RUFY1: variants seen among roughly 807,000 people sequenced by gnomAD.
The protein encoded by RUFY1 is RUN and FYVE domain containing 1, also known as RUN and FYVE domain-containing protein 1.
A neutral mutation model predicts 94.6 loss-of-function variants in RUFY1; 54 were observed. The observed-to-expected ratio is 0.57, with a 90% CI of 0.46 to 0.72. RUFY1 has a LOEUF of 0.72. Ranked by LOEUF, RUFY1 falls within the 30% of genes least tolerant of loss-of-function variation. RUFY1 has a pLI of 0.00. For synonymous variants in RUFY1, 396 were observed against 347.3 expected, an observed-to-expected ratio of 1.14 and a Z score of -1.56; for missense variants, 883 against 883.9, an observed-to-expected ratio of 1.00 and a Z score of 0.01.
At chr5:179,587,052 G>A (rs1764661079) in intron 8 of RUFY1, among the ~76,000 whole-genome samples, 1 of 152,148 alleles carries the variant, frequency 6.6e-6, no homozygotes, top group African/African-American at 2.4e-5. Flanking sequence ...GCAGAGTTAT[G>A]TGGGGTTTTT....
chr5:179,588,419 C>T (rs1041208902), intron 8 of RUFY1, among the ~76,000 whole-genome samples: 1 of 152,182 alleles, frequency 6.6e-6, no homozygotes, highest in Non-Finnish European at 1.5e-5. Context: ...GTTTACTCAT[C>T]TGCCTTGCCT....
At chr5:179,605,831 T>TGGGG in intron 15 of RUFY1, 45 bp from the exon 16 acceptor site, 1 of 1,234,946 alleles carries the variant, frequency 8.1e-7, no homozygotes, top group Non-Finnish European at 1.2e-6. Flanking sequence ...ATTCAGAGCC[T>TGGGG]CACTCTCTCT....
At chr5:179,570,992 G>A (rs1287221514) in intron 5 of RUFY1, among the ~76,000 whole-genome samples, 1 of 152,128 alleles carries the variant, frequency 6.6e-6, no homozygotes, top group African/African-American at 2.4e-5. Context: ...GTATTTTAGA[G>A]TGAGATGTTC....
chr5:179,559,616 G>A (rs1581421885), intron 1 of RUFY1: 9 of 969,466 alleles, frequency 9.3e-6, no homozygotes, highest in Admixed American at 6.0e-5. Context: ...GAATGTTTGG[G>A]GGCGGGACGC....
intron 2 of RUFY1, among the ~76,000 whole-genome samples, chr5:179,560,593 G>A (rs554619566): frequency 6.6e-6 from 1 of 151,396 alleles, no homozygotes; most frequent in Admixed American, 6.6e-5. Context: ...GGGCGTGGTA[G>A]CGGGCGCCTG....
At chr5:179,598,439 A>G (rs1232752788) in intron 13 of RUFY1, 5 of 513,538 alleles carry the variant, frequency 9.7e-6, no homozygotes, top group Non-Finnish European at 1.7e-5. Context: ...ATGTGGTCTA[A>G]GTGTTCTAGA....
At chr5:179,604,893 AG>A (rs528336001) in intron 15 of RUFY1, among the ~76,000 whole-genome samples, 169 of 151,902 alleles carry the variant, frequency 1.1e-3, no homozygotes, top group African/African-American at 4.0e-3. Flanking sequence ...CTGAGGCAGG[AG>A]AATTGCTTGA....
Position 179,589,531 on chromosome 5 carries a change from A to T in RUFY1, c.1027-15A>T, listed in dbSNP as rs778085372. 4.0e-5 allele frequency: 63 copies of T among 1,579,094 alleles called. No homozygotes were observed. Among genetic ancestry groups the T allele is most frequent in the Non-Finnish European group, 5.1e-5 (59 of 1,148,790 alleles). ...AATTTTGATGTTAAGAACTGTAAAA[A>T]TTTTCCTTAATCAGCTTTCAGCTGC... On this transcript the variant is annotated splice_polypyrimidine_tract_variant and intron_variant, in intron 8 of 17. Transcript: ENST00000319449.
chr5:179,607,554 G>T (rs778123759), intron 16 of RUFY1, 28 bp from the exon 17 acceptor site: 2 of 1,606,498 alleles, frequency 1.2e-6, no homozygotes, highest in African/African-American at 2.7e-5. Flanking sequence ...GACAGAAAGT[G>T]GATTCTAGAA....
At chr5:179,559,800 C>A (rs970325300) in intron 1 of RUFY1, 1 of 1,294,524 alleles carries the variant, frequency 7.7e-7, no homozygotes. Context: ...AGCAGGAGGC[C>A]CAGTGGCTCT....
At chr5:179,596,772 C>A (rs967750174) in intron 13 of RUFY1, 91 bp downstream of exon 13, 10 of 87,004 alleles carry the variant, frequency 1.1e-4, no homozygotes, top group African/African-American at 7.2e-4. Context: ...TCAGCACGAA[C>A]GGGAGGAGGG....
chr5:179,592,037 CTGGGTTCAAGCAGTTCTCTGCCTCA>C (rs893970756), intron 10 of RUFY1, among the ~76,000 whole-genome samples: 1 of 152,212 alleles, frequency 6.6e-6, no homozygotes, highest in Non-Finnish European at 1.5e-5. Flanking sequence ...ACTCTGCCTC[CTGGGTTCAAGCAGTTCTCTGCCTCA>C]GCCTCCCGAG....
intron 7 of RUFY1, among the ~76,000 whole-genome samples, chr5:179,584,828 G>A (rs1010444949): frequency 6.6e-6 from 1 of 152,100 alleles, no homozygotes; most frequent in Non-Finnish European, 1.5e-5. Flanking sequence ...TGGGGAAGGT[G>A]TAAAAGGGAT....
chr5:179,589,603 G>A lies in RUFY1; in HGVS notation c.1084G>A (p.Glu362Lys), dbSNP rs755287617. ...SLQEEQQQLREQNELIRERSE... is the reference protein window; with the variant it reads ...SLQEEQQQLRKQNELIRERSE... ...TCAAGAAGAACAGCAGCAGTTAAGAGAACAAAATGAATTAATTCGAGAAAG... is the reference window on the plus strand; with the variant it reads ...TCAAGAAGAACAGCAGCAGTTAAGAAAACAAAATGAATTAATTCGAGAAAG... Residue 362 changes from glutamate to lysine, a missense_variant, in exon 9 of 18, where the codon GAA becomes AAA. Coordinates refer to ENST00000319449, the MANE Select transcript of RUFY1 (RefSeq NM_025158.5). 3.1e-6 allele frequency: 5 copies of A among 1,614,102 alleles called. No individual in the cohort carries two copies. The highest frequency in any genetic ancestry group is 4.2e-6 in the Non-Finnish European group (5 of 1,179,984).
chr5:179,595,755 G>T (rs1009362569), intron 12 of RUFY1: 1 of 152,120 alleles, frequency 6.6e-6, no homozygotes, highest in Non-Finnish European at 1.5e-5. Flanking sequence ...TCTCCATATT[G>T]ATCAGGCTGG....
Position 179,550,725 on chromosome 5 carries a change from C to A in RUFY1, c.156C>A (p.Ser52Arg). 1.4e-6 allele frequency: 2 copies of A among 1,479,662 alleles called. No homozygotes were observed. Among genetic ancestry groups the A allele is most frequent in the East Asian group, 2.9e-5 (1 of 34,222 alleles). 91.7% of individuals were successfully genotyped at this position (1,479,662 alleles called of 1,614,324 possible). ...SQLPGPGDLR[S>R]ATRPRAAEGW... is the part of the protein sequence containing the mutation. ...TGCCCGGCCCAGGCGACCTGCGGAG[C>A]GCAACGAGGCCGCGGGCGGCCGAGG... Residue 52 changes from serine to arginine, a missense_variant, in exon 1 of 18, where the codon AGC (serine) becomes AGA (arginine). By Grantham distance (110) the Ser-to-Arg change is moderately radical (BLOSUM62 -1). Transcript: ENST00000319449.
chr5:179,575,039 C>G (rs951823870), intron 5 of RUFY1, among the ~76,000 whole-genome samples: 1 of 128,038 alleles, frequency 7.8e-6, no homozygotes. Context: ...CCCCACCCCC[C>G]GCCCCAGCCG....
At chr5:179,562,911 C>A in intron 3 of RUFY1, 1 of 381,508 alleles carries the variant, frequency 2.6e-6, no homozygotes, top group East Asian at 5.1e-5. Context: ...CCAAAGGGCA[C>A]TCACAGGAGG....
intron 9 of RUFY1, chr5:179,591,108 C>T (rs974984013): frequency 1.3e-5 from 2 of 153,138 alleles, no homozygotes; most frequent in South Asian, 4.1e-4. Flanking sequence ...GCTGGGATTA[C>T]AGGCATGAGC....
Sources: allele counts gnomAD v4.1 joint callset (sites outside exome capture counted in the v4.1 genomes callset), GRCh38; gene constraint gnomAD v4.1.1; transcripts MANE v1.5; gene names NCBI Gene and HGNC (gene_info 2026-07-23, HGNC 2026-07-21).